Variants in PDE10A observed in about 807,000 individuals in gnomAD.
PDE10A encodes the protein phosphodiesterase 10A, also known as cAMP and cAMP-inhibited cGMP 3',5'-cyclic phosphodiesterase 10A.
A neutral mutation model predicts 97.7 loss-of-function variants in PDE10A; 39 were observed. That is an observed-to-expected ratio of 0.40 (90% confidence interval 0.31 to 0.52). PDE10A has a LOEUF of 0.52. PDE10A is among the 20% of genes least tolerant of loss of function. PDE10A has a pLI of 0.56. For synonymous variants in PDE10A, 371 were observed against 376.8 expected (o/e 0.98, Z 0.18); for missense variants, 731 against 1,047.8 (o/e 0.70, Z 4.17).
At chr6:165,919,014 G>T (rs753916311) in intron 1 of PDE10A, among the ~76,000 whole-genome samples, 2 of 152,182 alleles carry the variant, frequency 1.3e-5, no homozygotes, top group Non-Finnish European at 2.9e-5. Context: ...TCAGTACATT[G>T]TCAGAGCATA....
At chr6:165,727,776 A>G (rs1187040065) in intron 1 of PDE10A, among the ~76,000 whole-genome samples, 1 of 152,256 alleles carries the variant, frequency 6.6e-6, no homozygotes, top group Non-Finnish European at 1.5e-5. Flanking sequence ...ACTTAAAGAA[A>G]CATAACTTAA....
intron 1 of PDE10A, among the ~76,000 whole-genome samples, chr6:165,804,084 C>T (rs549889926): frequency 1.3e-5 from 2 of 152,226 alleles, no homozygotes; most frequent in South Asian, 2.1e-4. Context: ...GAATGAAAGA[C>T]GGGAAGGAAC....
At chr6:165,960,990 G>A (rs1784341955) in intron 1 of PDE10A, among the ~76,000 whole-genome samples, 1 of 152,106 alleles carries the variant, frequency 6.6e-6, no homozygotes, top group Non-Finnish European at 1.5e-5. Flanking sequence ...GCCGGGGAGT[G>A]TGGCAGAACG....
At chr6:165,604,212 C>T (rs1301613753) in intron 1 of PDE10A, among the ~76,000 whole-genome samples, 1 of 152,146 alleles carries the variant, frequency 6.6e-6, no homozygotes, top group Non-Finnish European at 1.5e-5. Context: ...ATTCATTCGT[C>T]TTCATGGGTC....
At chr6:165,799,265 G>A (rs147586362) in intron 1 of PDE10A, among the ~76,000 whole-genome samples, 1 of 152,200 alleles carries the variant, frequency 6.6e-6, no homozygotes, top group Non-Finnish European at 1.5e-5. Context: ...ACAGATGGAG[G>A]AAGAGGGCAG....
chr6:165,906,004 CTT>C (rs1562791909), intron 1 of PDE10A, among the ~76,000 whole-genome samples: 754 of 58,790 alleles, frequency 0.013, 13 homozygotes, highest in Middle Eastern at 0.036. Flanking sequence ...TCCTTCCTTC[CTT>C]CCTTCCTTCC....
intron 1 of PDE10A, among the ~76,000 whole-genome samples, chr6:165,845,912 A>G (rs1482385795): frequency 6.6e-6 from 1 of 152,198 alleles, no homozygotes; most frequent in Non-Finnish European, 1.5e-5. Flanking sequence ...GAATGTCTCC[A>G]TGATAAAAAA....
chr6:165,935,807 G>A (rs575478292), intron 1 of PDE10A, among the ~76,000 whole-genome samples: 10 of 152,296 alleles, frequency 6.6e-5, no homozygotes, highest in African/African-American at 2.4e-4. Flanking sequence ...CTGCCCCCTT[G>A]TTGTCTCTTT....
At chr6:165,897,854 C>T (rs2500476) in intron 1 of PDE10A, among the ~76,000 whole-genome samples, 147,641 of 152,082 alleles carry the variant, frequency 0.97, 71,689 homozygotes, top group East Asian at 1. Flanking sequence ...TTTCCAGAAA[C>T]GCTGTGCTCT....
intron 1 of PDE10A, among the ~76,000 whole-genome samples, chr6:165,960,768 G>A (rs1284572881): frequency 3.3e-5 from 5 of 152,288 alleles, no homozygotes; most frequent in South Asian, 2.1e-4. Context: ...TGCGCATAGA[G>A]CACAGACAGA....
intron 18 of PDE10A, among the ~76,000 whole-genome samples, chr6:165,368,503 G>T (rs1783977265): frequency 6.6e-6 from 1 of 152,068 alleles, no homozygotes; most frequent in Non-Finnish European, 1.5e-5. Flanking sequence ...TAATAAAAAT[G>T]CATACTGTAA....
rs950155965 is a variant in PDE10A, at chr6:165,388,498, A to G, written c.2455-45T>C. Reference sequence around the variant, plus strand: ...GCAGAGATGCTCAAAACACAGAAACACACATGAGCAGACTTACCGCTTACA... The same window carrying G: ...GCAGAGATGCTCAAAACACAGAAACGCACATGAGCAGACTTACCGCTTACA... On this transcript the variant is annotated intron_variant, in intron 16 of 21. Coordinates refer to ENST00000539869, the MANE Select transcript of PDE10A (RefSeq NM_001385079.1). This position sits in a 1 kb window ranked among gnomAD's most constrained non-coding sequence, Gnocchi z 4.0. 3 of 1,568,910 alleles carry G rather than the reference A, an allele frequency of 1.9e-6. No individual in the cohort carries two copies. The highest frequency in any genetic ancestry group is 1.3e-5 in the African/African-American group (1 of 74,094).
rs901712209 is a variant in PDE10A, at chr6:165,603,683, G to A, written c.865+58264C>T. On this transcript the variant is annotated intron_variant, in intron 1 of 21. Transcript: ENST00000539869. The stretch of plus-strand genomic sequence containing the variant: ...AGGGCCCATGCTCTGTGTCCTATGC[G>A]CAGAGCGACTTCACCACAGTCATGG... Among the ~76,000 whole-genome samples the A allele has an allele frequency of 8.5e-5, 13 of 152,364 alleles. No individual in the cohort carries two copies. In the East Asian group the frequency reaches 1.3e-3, roughly 16 times the overall value.
intron 1 of PDE10A, among the ~76,000 whole-genome samples, chr6:165,627,084 C>G (rs1404663148): frequency 2.6e-5 from 4 of 152,190 alleles, no homozygotes; most frequent in African/African-American, 9.7e-5. Context: ...GGTCACTTCC[C>G]ATTGGTTCGA....
At chr6:165,855,249 A>T (rs1210234096) in intron 1 of PDE10A, among the ~76,000 whole-genome samples, 1 of 134,766 alleles carries the variant, frequency 7.4e-6, no homozygotes. Context: ...TGGGTGGAGC[A>T]GGTGCTGGTG....
At chr6:165,518,306 A>G (rs1056180350) in intron 2 of PDE10A, among the ~76,000 whole-genome samples, 11 of 152,240 alleles carry the variant, frequency 7.2e-5, no homozygotes, top group African/African-American at 2.7e-4. Context: ...ACTTTCTGCA[A>G]TTGCAGTTAC....
chr6:165,448,597 C>A (rs1223329857), intron 5 of PDE10A, among the ~76,000 whole-genome samples: 1 of 152,054 alleles, frequency 6.6e-6, no homozygotes, highest in Non-Finnish European at 1.5e-5. Flanking sequence ...AGAGAGGGTA[C>A]AGGCATTCCT....
At chr6:165,787,409 A>G (rs529329535) in intron 1 of PDE10A, among the ~76,000 whole-genome samples, 1 of 152,302 alleles carries the variant, frequency 6.6e-6, no homozygotes, top group African/African-American at 2.4e-5. Context: ...CCTGGTGAGC[A>G]TGTAGAAACT....
At chr6:165,848,859 G>A (rs889045571) in intron 1 of PDE10A, among the ~76,000 whole-genome samples, 1 of 152,164 alleles carries the variant, frequency 6.6e-6, no homozygotes, top group East Asian at 1.9e-4. Flanking sequence ...TCTGATGAGG[G>A]CAAGGTGGGG....
Sources: allele counts gnomAD v4.1 joint callset (sites outside exome capture counted in the v4.1 genomes callset), GRCh38; gene constraint gnomAD v4.1.1; non-coding constraint Gnocchi (gnomAD v3.1); transcripts MANE v1.5; gene names NCBI Gene and HGNC (gene_info 2026-07-23, HGNC 2026-07-21).